The following FAT2 variants were observed in gnomAD, a reference collection of about 807,000 sequenced individuals.
The protein encoded by FAT2 is protocadherin Fat 2.
Under a neutral mutation model 295.3 loss-of-function variants are expected in FAT2, and 150 were observed. The ratio of observed to expected loss-of-function variants is 0.51; its 90% CI spans 0.44 to 0.58. The LOEUF is 0.58. FAT2 is among the 20% of genes least tolerant of loss of function. FAT2 has a pLI of 0.00. For synonymous variants in FAT2, 2,026 were observed against 2,150.3 expected, an observed-to-expected ratio of 0.94 and a Z score of 1.60; for missense variants, 4,868 against 5,442.7, an observed-to-expected ratio of 0.89 and a Z score of 3.32.
chr5:151,510,837 G>A (rs1470856620), intron 21 of FAT2: 2 of 152,388 alleles, frequency 1.3e-5, no homozygotes, highest in African/African-American at 4.8e-5. Flanking sequence ...GAAGAGAAGA[G>A]TGCGTGCAAA....
chr5:151,567,893 T>C lies in FAT2; in HGVS notation c.1039A>G (p.Ile347Val), dbSNP rs766932102. Residue 347 changes from isoleucine (I) to valine (V), a missense_variant, in exon 2 of 24, where the codon ATC (isoleucine) becomes GTC (valine). By Grantham distance (29) the Ile-to-Val change is conservative. This residue lies in a region of FAT2 where 3,297 missense variants were observed against 3,669.4 expected (regional missense o/e 0.90). Transcript: ENST00000261800. ...SGSGPYFYSQ[I>V]RGFHLPPSKL... ...GAAGGTGGTAGGTGAAAGCCCCTGATCTGGGAATAAAAATAAGGGCCGCTC... is the reference window on the plus strand; with the variant it reads ...GAAGGTGGTAGGTGAAAGCCCCTGACCTGGGAATAAAAATAAGGGCCGCTC... 2 of 1,614,004 alleles carry C rather than the reference T, an allele frequency of 1.2e-6. No homozygotes were observed. Among genetic ancestry groups the C allele is most frequent in the South Asian group, 1.1e-5 (1 of 91,066 alleles).
rs748961686 is a variant in FAT2, at chr5:151,544,152, A to G, written c.6975T>C (p.Asn2325=). 107 of 1,614,080 alleles carry G rather than the reference A, an allele frequency of 6.6e-5. No individual in the cohort carries two copies. Among genetic ancestry groups the G allele is most frequent in the Non-Finnish European group, 8.1e-5 (96 of 1,180,034 alleles). The change falls in exon 10 of 24, where the codon AAT becomes AAC. Residue 2325 remains asparagine (N), a synonymous_variant. Transcript: ENST00000261800. ...CTGTGGACATCTCCCCTGTGCTCCC[A>G]TTGATCTGGAAGAACTTGGAAACAT... is the stretch of plus-strand genomic sequence containing the variant. The part of the protein sequence containing the change: ...GSDVSKFFQI[N]GSTGEMSTVQ...
intron 1 of FAT2, among the ~76,000 whole-genome samples, chr5:151,580,604 C>T (rs887522881): frequency 5.3e-5 from 8 of 152,350 alleles, no homozygotes; most frequent in Non-Finnish European, 1.0e-4. Flanking sequence ...TGCTCGCACA[C>T]ACACACACGG....
In FAT2 at chr5:151,550,760, C is replaced by T. The variant is rs1187607700; in HGVS notation, c.4408G>A (p.Val1470Ile). 1 of 1,614,096 alleles carries T rather than the reference C, an allele frequency of 6.2e-7. No homozygotes were observed. Among genetic ancestry groups the T allele is most frequent in the Non-Finnish European group, 8.5e-7 (1 of 1,180,022 alleles). Reference sequence around the variant, plus strand: ...CCCTTGTCTTGATCTATGGCCTGGACTCGCAGGAGCTCTACCCCTGGCACG... The same window carrying T: ...CCCTTGTCTTGATCTATGGCCTGGATTCGCAGGAGCTCTACCCCTGGCACG... Reference protein sequence around the residue: ...DTVPGVELLRVQAIDQDKGKS... With the variant: ...DTVPGVELLRIQAIDQDKGKS... Residue 1470 changes from valine (V) to isoleucine (I), a missense_variant, in exon 8 of 24, where the codon GTC becomes ATC. Transcript: ENST00000261800.
At position 151,549,341 on chromosome 5, in the gene FAT2, A is replaced by G. The variant is rs771070630; in HGVS notation, c.4743T>C (p.Asp1581=). The change falls in exon 9 of 24, where the codon GAT becomes GAC. Residue 1581 remains aspartate (D), a synonymous_variant. Coordinates refer to ENST00000261800, the MANE Select transcript of FAT2 (RefSeq NM_001447.3). ...GTELLQVRAM[D]ADRGVNAEVH... is the part of the protein sequence containing the mutation. ...CCTCAGCATTGACTCCCCGGTCAGC[A>G]TCCATGGCTCGGACCTGCAGCAGCT... 1 of 1,613,884 alleles carries G rather than the reference A, an allele frequency of 6.2e-7. No homozygotes were observed. Among genetic ancestry groups the G allele is most frequent in the East Asian group, 2.2e-5 (1 of 44,884 alleles).
At chr5:151,534,970 A>ATATATATATATATATATATATAT (rs1755078921) in intron 12 of FAT2, among the ~76,000 whole-genome samples, 16 of 106,400 alleles carry the variant, frequency 1.5e-4, no homozygotes, top group South Asian at 3.5e-4. Context: ...CTTCTAGGAA[A>ATATATATATATATATATATATAT]ATATATATAT....
chr5:151,530,350 A>G (rs191804833), intron 14 of FAT2, among the ~76,000 whole-genome samples: 59 of 152,298 alleles, frequency 3.9e-4, no homozygotes, highest in African/African-American at 1.3e-3. Context: ...AGCACTGTCA[A>G]CTAAACCTGA....
intron 1 of FAT2, among the ~76,000 whole-genome samples, chr5:151,571,838 C>A (rs1158055351): frequency 6.6e-6 from 1 of 152,230 alleles, no homozygotes; most frequent in African/African-American, 2.4e-5. Context: ...CCCTGCTTAA[C>A]ACTTTCCAGT....
At position 151,506,100 on chromosome 5, in the gene FAT2, G is replaced by A. The variant is rs764085243; in HGVS notation, c.12518-3C>T. The A allele has an allele frequency of 6.6e-7, 1 of 1,509,038 alleles. No homozygotes were observed. The highest frequency in any genetic ancestry group is 8.8e-7 in the Non-Finnish European group (1 of 1,139,062). The allele number at this position is 1,509,038 out of a possible 1,614,324, so 93.5% of individuals were successfully genotyped here. ...GACCATGGCTCCGCCAGGGTACACT[G>A]AAAGGGAACAGCAAGATAGGGTGAG... On this transcript the variant is annotated splice_polypyrimidine_tract_variant and splice_region_variant and intron_variant, in intron 23 of 23. Coordinates refer to ENST00000261800, the MANE Select transcript of FAT2 (RefSeq NM_001447.3).
chr5:151,568,392 A>G lies in FAT2; in HGVS notation c.540T>C (p.Asn180=). The change falls in exon 2 of 24, where the codon AAT becomes AAC. Residue 180 remains asparagine (N), a synonymous_variant. Transcript: ENST00000261800. ...VTATDADLGQ[N]AEFYYAFNTR... ...TGTTAAAGGCATAATAGAACTCAGCATTCTGGCCTAGATCAGCATCTGTGG... is the reference window on the plus strand; with the variant it reads ...TGTTAAAGGCATAATAGAACTCAGCGTTCTGGCCTAGATCAGCATCTGTGG... 6.2e-7 allele frequency: 1 copy of G among 1,614,222 alleles called. No individual in the cohort carries two copies.
intron 12 of FAT2, among the ~76,000 whole-genome samples, chr5:151,536,126 G>A (rs1194322627): frequency 3.9e-5 from 6 of 152,096 alleles, no homozygotes; most frequent in Non-Finnish European, 8.8e-5. Context: ...TATCTGTGGA[G>A]GAAGGGGTTA....
chr5:151,515,226 C>G (rs1339995400), intron 20 of FAT2, among the ~76,000 whole-genome samples: 2 of 152,168 alleles, frequency 1.3e-5, no homozygotes, highest in East Asian at 3.8e-4. Context: ...GCATACAATA[C>G]TCCCTGGGTT....
At chr5:151,546,700 AT>A (rs1345313644) in intron 9 of FAT2, among the ~76,000 whole-genome samples, 10 of 152,054 alleles carry the variant, frequency 6.6e-5, no homozygotes, top group Non-Finnish European at 1.5e-4. Flanking sequence ...ATCATACAGA[AT>A]TTTTAACCAT....
rs577166869 is a variant in FAT2, at chr5:151,590,873, CG to C, written c.-21+291del. ...TGCAGGACAAGAATCCAACTTTCCA[CG>C]TGTGCAAATGTGACCTTCCTCTTCC... On this transcript the variant is annotated intron_variant, in intron 1 of 23. Coordinates refer to ENST00000261800, the MANE Select transcript of FAT2 (RefSeq NM_001447.3). Among the ~76,000 whole-genome samples, 4 of 152,356 alleles carry C rather than the reference CG, an allele frequency of 2.6e-5. No individual in the cohort carries two copies. In the South Asian group the frequency reaches 8.3e-4, roughly 32 times the overall value.
chr5:151,540,467 C>T, intron 11 of FAT2, 100 bp downstream of exon 11: 1 of 989,820 alleles, frequency 1.0e-6, no homozygotes, highest in Non-Finnish European at 1.5e-6. Context: ...TCTCCTGCCC[C>T]TCAATCTCCC....
At chr5:151,532,067 C>A (rs1754690007) in intron 13 of FAT2, 97 bp from the exon 14 acceptor site, 5 of 1,496,202 alleles carry the variant, frequency 3.3e-6, no homozygotes, top group African/African-American at 2.8e-5. Flanking sequence ...TGGGGAGGGG[C>A]TCCCATGAAG....
At chr5:151,574,513 TA>T (rs775003444) in intron 1 of FAT2, among the ~76,000 whole-genome samples, 1 of 152,370 alleles carries the variant, frequency 6.6e-6, no homozygotes, top group South Asian at 2.1e-4. Flanking sequence ...ACATTCTAGG[TA>T]TCTGCTAGTC....
intron 11 of FAT2, among the ~76,000 whole-genome samples, chr5:151,539,567 T>C (rs1755887526): frequency 6.6e-6 from 1 of 152,212 alleles, no homozygotes; most frequent in South Asian, 2.1e-4. Context: ...TGTGGGTATG[T>C]ATAACTGTGC....
intron 19 of FAT2, among the ~76,000 whole-genome samples, chr5:151,520,805 GGTAATAATAGTAGCA>G (rs1331468410): frequency 6.6e-6 from 1 of 152,104 alleles, no homozygotes; most frequent in Non-Finnish European, 1.5e-5. Flanking sequence ...ACCAGACTAT[GGTAATAATAGTAGCA>G]GTATTAGTAA....
Sources: allele counts gnomAD v4.1 joint callset (sites outside exome capture counted in the v4.1 genomes callset), GRCh38; gene constraint gnomAD v4.1.1; regional missense constraint gnomAD v4.1.1; transcripts MANE v1.5; gene names NCBI Gene and HGNC (gene_info 2026-07-23, HGNC 2026-07-21).